CDK17: variants seen among roughly 807,000 people sequenced by gnomAD.
CDK17 encodes cyclin dependent kinase 17, also known as cyclin-dependent kinase 17.
CDK17 carries 24 observed loss-of-function variants against 77.6 expected under a neutral mutation model. The observed-to-expected ratio is 0.31, with a 90% CI of 0.22 to 0.44. The LOEUF (loss-of-function observed/expected upper bound fraction) is 0.44, where lower values mean the gene tolerates loss of function less well. Ranked by LOEUF, CDK17 falls within the 20% of genes least tolerant of loss-of-function variation. CDK17 has a pLI of 1.00. For synonymous variants in CDK17, 203 were observed against 210.4 expected (o/e 0.96, Z 0.30); for missense variants, 429 against 622.5 (o/e 0.69, Z 3.31).
chr12:96,310,286 C>T (rs1345667757), intron 5 of CDK17, among the ~76,000 whole-genome samples: 2 of 151,826 alleles, frequency 1.3e-5, no homozygotes, highest in African/African-American at 4.8e-5. Context: ...TATATATATA[C>T]AAACTTTGTA....
intron 1 of CDK17, among the ~76,000 whole-genome samples, chr12:96,340,247 A>G (rs1372976276): frequency 6.6e-6 from 1 of 152,266 alleles, no homozygotes; most frequent in East Asian, 1.9e-4. Context: ...TCAGAATAAT[A>G]CGCATGGCAC....
intron 5 of CDK17, among the ~76,000 whole-genome samples, chr12:96,306,183 T>C (rs1952575133): frequency 6.6e-6 from 1 of 152,174 alleles, no homozygotes; most frequent in Non-Finnish European, 1.5e-5. Context: ...ACTGTATAAC[T>C]TTCTCCAGGA....
At chr12:96,313,570 T>TAA in intron 3 of CDK17, 116 bp from the exon 4 acceptor site, 1 of 528,002 alleles carries the variant, frequency 1.9e-6, no homozygotes, top group Non-Finnish European at 3.0e-6. Context: ...TAAAAAGTCA[T>TAA]TTACATTCTG....
chr12:96,346,995 T>C (rs1953223841), intron 1 of CDK17, among the ~76,000 whole-genome samples: 1 of 151,478 alleles, frequency 6.6e-6, no homozygotes, highest in African/African-American at 2.4e-5. Flanking sequence ...AAATATTCCA[T>C]GCAAATAGTA....
At chr12:96,305,982 A>G (rs931824892) in intron 5 of CDK17, among the ~76,000 whole-genome samples, 2 of 152,160 alleles carry the variant, frequency 1.3e-5, no homozygotes, top group Admixed American at 1.3e-4. Flanking sequence ...TCAGCCTCTC[A>G]AAGTGGTGGG....
chr12:96,339,482 T>A (rs548423401), intron 1 of CDK17, among the ~76,000 whole-genome samples: 1 of 152,040 alleles, frequency 6.6e-6, no homozygotes, highest in South Asian at 2.1e-4. Flanking sequence ...ATGAAATAAA[T>A]ACCACTGAAC....
In CDK17 at chr12:96,305,030, T is replaced by A. The variant is rs1180027335; in HGVS notation, c.544-4670A>T. On this transcript the variant is annotated intron_variant, in intron 5 of 16. Coordinates refer to ENST00000261211, the MANE Select transcript of CDK17 (RefSeq NM_002595.5). The stretch of plus-strand genomic sequence containing the variant: ...TTTTATATATGGATGACCTCCATTA[T>A]AATTGAAGCTGCACTCAGTCTCACA... 2.6e-5 allele frequency among the ~76,000 whole-genome samples: 4 copies of A among 152,248 alleles called. No individual in the cohort carries two copies. In the South Asian group the frequency reaches 8.3e-4, roughly 31 times the overall value.
chr12:96,343,501 T>C (rs2137158458), intron 1 of CDK17, among the ~76,000 whole-genome samples: 1 of 152,372 alleles, frequency 6.6e-6, no homozygotes, highest in East Asian at 1.9e-4. Context: ...TGCCTTTATT[T>C]AGGCCCTCTG....
intron 1 of CDK17, among the ~76,000 whole-genome samples, chr12:96,344,714 G>A (rs1288096345): frequency 1.3e-5 from 2 of 152,128 alleles, no homozygotes; most frequent in African/African-American, 4.8e-5. Flanking sequence ...ATAATGAAAG[G>A]ACGTAAGACA....
intron 7 of CDK17, 32 bp downstream of exon 7, chr12:96,298,837 T>C (rs751399015): frequency 1.7e-6 from 2 of 1,179,792 alleles, no homozygotes; most frequent in Admixed American, 2.0e-5. Flanking sequence ...TCCACCACTT[T>C]GATTTTAAAA....
intron 1 of CDK17, among the ~76,000 whole-genome samples, chr12:96,387,881 T>C (rs1252182053): frequency 6.6e-6 from 1 of 151,914 alleles, no homozygotes; most frequent in East Asian, 1.9e-4. Context: ...AGGTTGAGGA[T>C]GCAACGAGCT....
intron 1 of CDK17, among the ~76,000 whole-genome samples, chr12:96,378,915 C>A (rs1398103337): frequency 1.3e-5 from 2 of 152,100 alleles, no homozygotes; most frequent in African/African-American, 4.8e-5. Context: ...AATAAAGTAG[C>A]AAGCAAAGGA....
intron 3 of CDK17, among the ~76,000 whole-genome samples, chr12:96,316,270 C>T (rs191166468): frequency 1.3e-5 from 2 of 152,156 alleles, no homozygotes; most frequent in Non-Finnish European, 1.5e-5. Context: ...CGGCGCACCA[C>T]GAGACTATAT....
At chr12:96,283,527 C>T in intron 14 of CDK17, 76 bp downstream of exon 14, 1 of 811,102 alleles carries the variant, frequency 1.2e-6, no homozygotes, top group Non-Finnish European at 2.1e-6. Context: ...CGAGGAAGTA[C>T]TACTGAGCCC....
intron 1 of CDK17, among the ~76,000 whole-genome samples, chr12:96,389,963 G>A (rs1488492829): frequency 4.6e-5 from 7 of 150,926 alleles, no homozygotes; most frequent in Non-Finnish European, 5.9e-5. Context: ...CTGAGTAGCT[G>A]GAATTACAGG....
rs77755846 is a variant in CDK17, at chr12:96,336,885, T to C, written c.-29-2020A>G. ...ACCGAATACAGTATTTTAAAGCCCC[T>C]GCTTTTAACTCCAAAGTCTGAACAA... On this transcript the variant is annotated intron_variant, in intron 1 of 16. Coordinates refer to ENST00000261211, the MANE Select transcript of CDK17 (RefSeq NM_002595.5). Among the ~76,000 whole-genome samples the C allele has an allele frequency of 7.5e-4, 115 of 152,338 alleles. 2 individuals carry two copies. The East Asian group carries it at 0.02, about 27-fold the overall frequency.
chr12:96,281,036 C>T, intron 15 of CDK17, 151 bp from the exon 16 acceptor site: 3 of 624,858 alleles, frequency 4.8e-6, no homozygotes, highest in Non-Finnish European at 8.0e-6. Context: ...CCTTTTTGTC[C>T]CAGTGTGTTG....
At chr12:96,348,519 GTC>G (rs1353803687) in intron 1 of CDK17, among the ~76,000 whole-genome samples, 1 of 89,862 alleles carries the variant, frequency 1.1e-5, no homozygotes, top group East Asian at 3.3e-4. Context: ...GCGAGACTCT[GTC>G]TCAAAAAAAA....
At chr12:96,330,419 G>A (rs1310361616) in intron 2 of CDK17, among the ~76,000 whole-genome samples, 1 of 152,086 alleles carries the variant, frequency 6.6e-6, no homozygotes, top group Non-Finnish European at 1.5e-5. Flanking sequence ...ACAATTCAGT[G>A]GCATTTCATA....
Sources: allele counts gnomAD v4.1 joint callset (sites outside exome capture counted in the v4.1 genomes callset), GRCh38; gene constraint gnomAD v4.1.1; transcripts MANE v1.5; gene names NCBI Gene and HGNC (gene_info 2026-07-23, HGNC 2026-07-21).